The following CFAP20DC variants were observed in gnomAD, a reference collection of about 807,000 sequenced individuals.
CFAP20DC encodes the protein protein CFAP20DC.
In CFAP20DC, 84 loss-of-function variants were observed where a neutral mutation model predicts 101.7. The ratio of observed to expected loss-of-function variants is 0.83; its 90% CI spans 0.69 to 0.99. CFAP20DC has a LOEUF of 0.99. Among genes scored for constraint, CFAP20DC ranks in the 50% least tolerant of loss-of-function variants. CFAP20DC has a pLI of 0.00. For synonymous variants in CFAP20DC, 359 were observed against 351.2 expected, an observed-to-expected ratio of 1.02 and a Z score of -0.25; for missense variants, 1,007 against 970.3, an observed-to-expected ratio of 1.04 and a Z score of -0.50.
intron 4 of CFAP20DC, among the ~76,000 whole-genome samples, chr3:59,029,680 T>C (rs780894666): frequency 1.2e-4 from 19 of 152,100 alleles, no homozygotes; most frequent in Non-Finnish European, 2.5e-4. Flanking sequence ...GGAACTTCAG[T>C]TGGTTTTTAG....
In CFAP20DC at chr3:58,897,440, A is replaced by G. The variant is rs982861087; in HGVS notation, c.551-12731T>C. 2.0e-5 allele frequency among the ~76,000 whole-genome samples: 3 copies of G among 152,164 alleles called. No homozygotes were observed. The highest frequency in any genetic ancestry group is 7.2e-5 in the African/African-American group (3 of 41,430). On this transcript the variant is annotated intron_variant, in intron 6 of 16. Transcript: ENST00000482387. This position sits in a 1 kb window ranked among gnomAD's most constrained non-coding sequence, Gnocchi z 4.4. ...AGCTGGTTATTTTGCAGATTTGTTT[A>G]TGTGGTTGCTTCAATGTTACTGGGC...
chr3:58,717,084 C>G (rs569409657), downstream of CFAP20DC, among the ~76,000 whole-genome samples: 3 of 151,874 alleles, frequency 2.0e-5, no homozygotes, highest in Non-Finnish European at 4.4e-5. This position sits in a 1 kb window ranked among gnomAD's most constrained non-coding sequence, Gnocchi z 4.1. Context: ...ATCAATCAGT[C>G]AAGAGTAGTT....
intron 4 of CFAP20DC, among the ~76,000 whole-genome samples, chr3:58,991,793 C>A (rs542240531): frequency 2.6e-5 from 4 of 152,116 alleles, no homozygotes; most frequent in Admixed American, 1.3e-4. Flanking sequence ...CCCCTGTTCA[C>A]CCCCTGCTGT....
intron 15 of CFAP20DC, among the ~76,000 whole-genome samples, chr3:58,763,032 G>T (rs948837656): frequency 3.3e-5 from 5 of 151,930 alleles, no homozygotes; most frequent in South Asian, 2.1e-4. Flanking sequence ...TTGCTCTTCT[G>T]GAGGAGTATC....
intron 15 of CFAP20DC, among the ~76,000 whole-genome samples, chr3:58,785,827 T>C (rs1331385382): frequency 6.6e-6 from 1 of 152,140 alleles, no homozygotes; most frequent in Non-Finnish European, 1.5e-5. Context: ...CCCTCTTATC[T>C]GCCTAAAGAC....
chr3:58,802,463 G>T (rs1205530092), intron 15 of CFAP20DC, among the ~76,000 whole-genome samples: 3 of 152,204 alleles, frequency 2.0e-5, no homozygotes, highest in Admixed American at 2.0e-4. Context: ...GGCAATGTTT[G>T]GTGGACGCTG....
intron 5 of CFAP20DC, among the ~76,000 whole-genome samples, chr3:58,923,623 A>C (rs1023587850): frequency 6.6e-6 from 1 of 152,108 alleles, no homozygotes; most frequent in Admixed American, 6.5e-5. Context: ...CTGGCATATA[A>C]TGTATCTTTT....
intron 15 of CFAP20DC, among the ~76,000 whole-genome samples, chr3:58,791,484 G>A (rs901167381): frequency 2.6e-5 from 4 of 152,116 alleles, no homozygotes; most frequent in Non-Finnish European, 4.4e-5. Flanking sequence ...ACCACCTCAT[G>A]AAACCCCTTA....
intron 4 of CFAP20DC, among the ~76,000 whole-genome samples, chr3:58,966,078 G>C (rs959651404): frequency 6.6e-6 from 1 of 152,316 alleles, no homozygotes; most frequent in African/African-American, 2.4e-5. Flanking sequence ...AAAGTACAGG[G>C]CCTTGGGGCT....
At chr3:58,890,462 A>C in intron 6 of CFAP20DC, among the ~76,000 whole-genome samples, 1 of 129,214 alleles carries the variant, frequency 7.7e-6, no homozygotes, top group African/African-American at 3.1e-5. Context: ...TCCCTCCCGG[A>C]CGGGGCGGCT....
intron 4 of CFAP20DC, among the ~76,000 whole-genome samples, chr3:59,004,898 A>G (rs1404653433): frequency 6.6e-6 from 1 of 152,190 alleles, no homozygotes; most frequent in Admixed American, 6.5e-5. Flanking sequence ...AGGCCAGAGA[A>G]AGTACCTTAT....
At chr3:58,780,410 T>A (rs1187083784) in intron 15 of CFAP20DC, among the ~76,000 whole-genome samples, 1 of 151,952 alleles carries the variant, frequency 6.6e-6, no homozygotes, top group Non-Finnish European at 1.5e-5. Context: ...GAAAATCAAG[T>A]AATGAAATAA....
chr3:58,967,184 A>G (rs11929517), intron 4 of CFAP20DC, among the ~76,000 whole-genome samples: 2,188 of 152,320 alleles, frequency 0.014, 26 homozygotes, highest in Middle Eastern at 0.037. Context: ...AAAAATTGAA[A>G]GTTTAGAAAT....
chr3:59,036,264 C>T (rs1355379829), intron 4 of CFAP20DC, among the ~76,000 whole-genome samples: 1 of 152,100 alleles, frequency 6.6e-6, no homozygotes, highest in African/African-American at 2.4e-5. Flanking sequence ...TCTCATCACT[C>T]TTATTCAACA....
intron 14 of CFAP20DC, among the ~76,000 whole-genome samples, chr3:58,810,460 T>C (rs2107778906): frequency 6.6e-6 from 1 of 152,264 alleles, no homozygotes; most frequent in Admixed American, 6.5e-5. Flanking sequence ...AACCACATCA[T>C]AATCCCAATA....
chr3:58,870,332 T>C (rs769699697), intron 7 of CFAP20DC, 23 bp from the exon 8 acceptor site: 1 of 1,609,056 alleles, frequency 6.2e-7, no homozygotes, highest in East Asian at 2.2e-5. Context: ...AGGAAGGTAA[T>C]AATAGTCCAT....
intron 4 of CFAP20DC, among the ~76,000 whole-genome samples, chr3:58,962,523 T>G (rs1294887541): frequency 6.6e-6 from 1 of 152,192 alleles, no homozygotes; most frequent in African/African-American, 2.4e-5. Flanking sequence ...TGTTCAGTAT[T>G]TTTGTTATTA....
intron 4 of CFAP20DC, among the ~76,000 whole-genome samples, chr3:59,013,444 C>A (rs1265035907): frequency 6.6e-6 from 1 of 152,030 alleles, no homozygotes; most frequent in Admixed American, 6.6e-5. Flanking sequence ...AAGGATGTTC[C>A]CAGCATCATA....
chr3:58,765,471 C>CAAAAAAAAAAAAAAAAAAAACAAA (rs1288496269), intron 15 of CFAP20DC, among the ~76,000 whole-genome samples: 1 of 27,784 alleles, frequency 3.6e-5, no homozygotes, highest in Non-Finnish European at 7.2e-5. Flanking sequence ...ACATTCTAGC[C>CAAAAAAAAAAAAAAAAAAAACAAA]AAAAAAAAAA....
Sources: gnomAD v4.1 joint callset for allele counts (sites outside exome capture counted in the v4.1 genomes callset) on GRCh38, gnomAD v4.1.1 for gene constraint, Gnocchi (gnomAD v3.1) non-coding constraint, MANE v1.5 for transcripts, NCBI Gene and HGNC (gene_info 2026-07-23, HGNC 2026-07-21) for gene names.